Variants in MCF2L2 observed in about 807,000 individuals in gnomAD.
MCF2L2 encodes the protein MCF.2 cell line derived transforming sequence-like 2.
Under a neutral mutation model 150.2 loss-of-function variants are expected in MCF2L2, and 102 were observed. The ratio of observed to expected loss-of-function variants is 0.68; its 90% CI spans 0.58 to 0.80. The LOEUF (loss-of-function observed/expected upper bound fraction) is 0.80. MCF2L2 is among the 30% of genes least tolerant of loss of function. The probability of loss-of-function intolerance (pLI) is 0.00; values close to 1 mark genes in which losing one functional copy is unlikely to be tolerated. For synonymous variants in MCF2L2, 465 were observed against 491.3 expected (o/e 0.95, Z 0.71); for missense variants, 1,256 against 1,372.8 (o/e 0.91, Z 1.34).
intron 27 of MCF2L2, among the ~76,000 whole-genome samples, chr3:183,185,063 G>A (rs189749634): frequency 5.9e-5 from 9 of 152,200 alleles, no homozygotes; most frequent in Admixed American, 6.5e-5. Context: ...GACTACAGGC[G>A]CATGCCACCA....
chr3:183,206,127 G>C lies in MCF2L2; in HGVS notation c.2800C>G (p.Leu934Val). 1 of 1,613,850 alleles carries C rather than the reference G, an allele frequency of 6.2e-7. No homozygotes were observed. The highest frequency in any genetic ancestry group is 8.5e-7 in the Non-Finnish European group (1 of 1,179,738). ...ASRNGLEKYI[L>V]QAASKEIRDC... ...GGGGAAGGCATGAGCGTTACCTGCA[G>C]GATGTATTTCTCAAGTCCATTTCGA... The change falls in exon 24 of 30, where the codon CTG (leucine) becomes GTG (valine). Residue 934 changes from leucine (L) to valine (V), a missense_variant. Physicochemically the swap from Leu to Val is conservative, Grantham distance 32 (BLOSUM62 1). Transcript: ENST00000328913.
chr3:183,263,174 C>G (rs1165677608), intron 15 of MCF2L2, among the ~76,000 whole-genome samples: 2 of 152,062 alleles, frequency 1.3e-5, no homozygotes, highest in African/African-American at 4.8e-5. Flanking sequence ...AACTTCCTGG[C>G]TGATAAGGTG....
At chr3:183,289,048 T>C (rs1727963843) in intron 14 of MCF2L2, 72 bp downstream of exon 14, 1 of 1,003,388 alleles carries the variant, frequency 1.0e-6, no homozygotes, top group African/African-American at 1.6e-5. Context: ...AATTTGTTGA[T>C]TTATTGATAA....
chr3:183,401,499 G>A (rs1037862362), intron 1 of MCF2L2, among the ~76,000 whole-genome samples: 5 of 152,024 alleles, frequency 3.3e-5, no homozygotes, highest in East Asian at 3.9e-4. Context: ...TATACATTTC[G>A]GTGAGCTTTG....
chr3:183,392,722 C>G (rs532979723), intron 1 of MCF2L2, among the ~76,000 whole-genome samples: 8 of 152,168 alleles, frequency 5.3e-5, no homozygotes, highest in Non-Finnish European at 1.0e-4. Flanking sequence ...ATACACCCAG[C>G]CTTCAGTTGC....
At chr3:183,277,714 G>A (rs977176536) in intron 14 of MCF2L2, among the ~76,000 whole-genome samples, 2 of 149,904 alleles carry the variant, frequency 1.3e-5, no homozygotes, top group African/African-American at 4.9e-5. Flanking sequence ...TGTTGGCTAG[G>A]CTGGTCTTGA....
intron 1 of MCF2L2, among the ~76,000 whole-genome samples, chr3:183,407,314 TA>T (rs11343628): frequency 0.092 from 13,958 of 151,862 alleles, 1,528 homozygotes; most frequent in African/African-American, 0.25. Flanking sequence ...TGTACTCTTT[TA>T]AAAAAAAATT....
At chr3:183,279,517 C>CT (rs1283833287) in intron 14 of MCF2L2, among the ~76,000 whole-genome samples, 1 of 152,192 alleles carries the variant, frequency 6.6e-6, no homozygotes, top group Non-Finnish European at 1.5e-5. Context: ...ACACTGCATC[C>CT]TTTTTCCCTT....
rs552240758 is a variant in MCF2L2, at chr3:183,383,618, C to T, written c.161-4207G>A. ...CACATCCCAGCATTTGCACCCATCACATTTTTGGTGACTCCAAATTGAGGG... is the reference window on the plus strand; with the variant it reads ...CACATCCCAGCATTTGCACCCATCATATTTTTGGTGACTCCAAATTGAGGG... On this transcript the variant is annotated intron_variant, in intron 2 of 29. Transcript: ENST00000328913. Among the ~76,000 whole-genome samples, 24 of 152,302 alleles carry T rather than the reference C, an allele frequency of 1.6e-4. No individual in the cohort carries two copies. In the South Asian group the frequency reaches 4.3e-3, roughly 28 times the overall value.
chr3:183,249,777 A>G (rs1454309455), intron 15 of MCF2L2, among the ~76,000 whole-genome samples: 1 of 152,256 alleles, frequency 6.6e-6, no homozygotes, highest in Non-Finnish European at 1.5e-5. Context: ...GGAGACGTAC[A>G]CAGGGCCACT....
Position 183,296,994 on chromosome 3 carries a change from C to T in MCF2L2, c.1479G>A (p.Leu493=). Residue 493 remains leucine, a synonymous_variant, in exon 12 of 30, where the codon CTG becomes CTA. Transcript: ENST00000328913. ...GCATTACCTTTGCATCGAGGGTGAG[C>T]AGCAACTCAAACTCGTTGTAAAACT... is the stretch of plus-strand genomic sequence containing the variant. ...PKEFYNEFEL[L]LTLDAKAKAQ... The T allele has an allele frequency of 1.2e-6, 2 of 1,613,734 alleles. No homozygotes were observed. Among genetic ancestry groups the T allele is most frequent in the African/African-American group, 1.3e-5 (1 of 75,052 alleles).
chr3:183,223,303 T>C (rs564042017), intron 20 of MCF2L2, 43 bp downstream of exon 20: 3 of 1,465,970 alleles, frequency 2.0e-6, no homozygotes, highest in Admixed American at 3.4e-5. Context: ...AGTGCAGGCG[T>C]CTGGTTTCCC....
rs1199591751 is a variant in MCF2L2 at position 183,331,417 on chromosome 3, T to C, written c.486+7383A>G. ...TCTCTTCCTGTGGCCCCACCAACTT[T>C]ACCATACGTGCATATTCTTGTAACA... On this transcript the variant is annotated intron_variant, in intron 5 of 29. Transcript: ENST00000328913. 3.3e-5 allele frequency among the ~76,000 whole-genome samples: 5 copies of C among 152,220 alleles called. No homozygotes were observed. In the East Asian group the frequency reaches 9.6e-4, roughly 29 times the overall value.
chr3:183,308,321 A>G (rs1055342892), intron 10 of MCF2L2, among the ~76,000 whole-genome samples: 3 of 152,188 alleles, frequency 2.0e-5, no homozygotes, highest in Non-Finnish European at 4.4e-5. Context: ...TTCTTAATAT[A>G]TGAATAAGCA....
intron 3 of MCF2L2, among the ~76,000 whole-genome samples, chr3:183,370,299 G>C (rs1712791919): frequency 6.6e-6 from 1 of 152,326 alleles, no homozygotes; most frequent in Non-Finnish European, 1.5e-5. Flanking sequence ...GGAACCAGCA[G>C]ATGCGGATGC....
At chr3:183,383,883 T>C (rs1051393000) in intron 2 of MCF2L2, among the ~76,000 whole-genome samples, 6 of 152,228 alleles carry the variant, frequency 3.9e-5, no homozygotes, top group African/African-American at 1.4e-4. Flanking sequence ...GTTAAGTTTG[T>C]TCAAATGACT....
chr3:183,231,260 G>A (rs1446023349), intron 15 of MCF2L2: 3 of 614,254 alleles, frequency 4.9e-6, no homozygotes, highest in Admixed American at 2.1e-5. Context: ...AAATCCTTTA[G>A]GCAGCCAGTG....
chr3:183,266,780 G>C (rs1489878866), intron 15 of MCF2L2, among the ~76,000 whole-genome samples: 5 of 151,538 alleles, frequency 3.3e-5, no homozygotes, highest in Non-Finnish European at 7.4e-5. Context: ...CCTTAGAGCA[G>C]TGTTTCAGTC....
chr3:183,244,497 C>T (rs1724166914), intron 15 of MCF2L2, among the ~76,000 whole-genome samples: 1 of 152,172 alleles, frequency 6.6e-6, no homozygotes, highest in Non-Finnish European at 1.5e-5. Context: ...TCCTAATAAA[C>T]TCCCCTTCAT....
Sources: allele counts gnomAD v4.1 joint callset (sites outside exome capture counted in the v4.1 genomes callset), GRCh38; gene constraint gnomAD v4.1.1; transcripts MANE v1.5; gene names NCBI Gene and HGNC (gene_info 2026-07-23, HGNC 2026-07-21).